Variants in PDE4D observed in about 807,000 individuals in gnomAD.
The protein encoded by PDE4D is 3',5'-cyclic-AMP phosphodiesterase 4D.
Under a neutral mutation model 87.4 loss-of-function variants are expected in PDE4D, and 24 were observed. The ratio of observed to expected loss-of-function variants is 0.27; its 90% confidence interval spans 0.20 to 0.39. The LOEUF (loss-of-function observed/expected upper bound fraction) is 0.39, where lower values mean the gene tolerates loss of function less well. PDE4D is among the 10% of genes least tolerant of loss of function. The pLI is 1.00. For missense variants in PDE4D, 714 were observed against 1,041.0 expected (o/e 0.69, Z 4.32); for synonymous variants, 384 against 383.2 (o/e 1.00, Z -0.02).
At chr5:59,043,390 G>C (rs1404036634) in intron 5 of PDE4D, among the ~76,000 whole-genome samples, 1 of 152,072 alleles carries the variant, frequency 6.6e-6, no homozygotes, top group Non-Finnish European at 1.5e-5. Context: ...GTGCATGGTG[G>C]CGGGCGCCTG....
At chr5:60,293,762 G>C (rs565013697) in intron 1 of PDE4D, among the ~76,000 whole-genome samples, 1 of 152,088 alleles carries the variant, frequency 6.6e-6, no homozygotes, top group East Asian at 1.9e-4. Flanking sequence ...TTTGTTGCAG[G>C]TATCAGTAGT....
intron 1 of PDE4D, among the ~76,000 whole-genome samples, chr5:59,605,344 T>G (rs1331253359): frequency 1.4e-5 from 2 of 139,644 alleles, no homozygotes; most frequent in African/African-American, 2.9e-5. Context: ...TATAAGTATT[T>G]CTTATTTGTA....
intron 2 of PDE4D, among the ~76,000 whole-genome samples, chr5:60,050,797 C>T (rs186055075): frequency 8.5e-5 from 13 of 152,218 alleles, no homozygotes; most frequent in Admixed American, 2.6e-4. Flanking sequence ...ACCAATCTCA[C>T]GTGCAACAAC....
At chr5:60,266,119 A>G (rs952685227) in intron 1 of PDE4D, among the ~76,000 whole-genome samples, 21 of 152,092 alleles carry the variant, frequency 1.4e-4, no homozygotes, top group African/African-American at 5.1e-4. Context: ...GACATTTACA[A>G]GGGCTGGGTC....
intron 2 of PDE4D, among the ~76,000 whole-genome samples, chr5:60,069,594 C>T (rs13179619): frequency 0.5 from 75,700 of 151,600 alleles, 19,368 homozygotes; most frequent in East Asian, 0.83. Context: ...TGTGGTTTTG[C>T]AACATATCTA....
At chr5:59,571,347 T>C (rs1245869057) in intron 1 of PDE4D, among the ~76,000 whole-genome samples, 1 of 152,186 alleles carries the variant, frequency 6.6e-6, no homozygotes, top group Non-Finnish European at 1.5e-5. Flanking sequence ...ATTTCCCTTT[T>C]TTTCTTGAAT....
intron 1 of PDE4D, among the ~76,000 whole-genome samples, chr5:59,870,653 T>A (rs1182693570): frequency 6.6e-6 from 1 of 152,204 alleles, no homozygotes; most frequent in Non-Finnish European, 1.5e-5. Context: ...GCTGGTGGCA[T>A]CAAACATGTG....
At chr5:58,983,202 T>C (rs1450043051) in intron 11 of PDE4D, among the ~76,000 whole-genome samples, 3 of 152,228 alleles carry the variant, frequency 2.0e-5, no homozygotes, top group Non-Finnish European at 4.4e-5. Context: ...CTTCCGGTGG[T>C]ACCTGCGTAT....
intron 1 of PDE4D, among the ~76,000 whole-genome samples, chr5:59,648,773 G>T (rs1742896167): frequency 6.6e-6 from 1 of 151,360 alleles, no homozygotes; most frequent in Admixed American, 6.6e-5. Context: ...GTATTCTCTT[G>T]CATTATCAAG....
chr5:60,290,611 C>T (rs1017920614), intron 1 of PDE4D, among the ~76,000 whole-genome samples: 6 of 152,076 alleles, frequency 3.9e-5, no homozygotes, highest in Non-Finnish European at 5.9e-5. Flanking sequence ...TGAGACCAGC[C>T]TGGGCAACAT....
chr5:59,406,409 C>T (rs1222601411), intron 1 of PDE4D, among the ~76,000 whole-genome samples: 1 of 98,468 alleles, frequency 1.0e-5, no homozygotes. Flanking sequence ...CCCCCCCCCC[C>T]CCATAGAGTC....
chr5:59,669,785 C>A (rs561408396), intron 1 of PDE4D, among the ~76,000 whole-genome samples: 6 of 152,224 alleles, frequency 3.9e-5, no homozygotes, highest in East Asian at 1.9e-4. Flanking sequence ...ACACCCCCCC[C>A]AATAGTCCAG....
At chr5:59,136,810 C>T (rs1188145415) in intron 5 of PDE4D, among the ~76,000 whole-genome samples, 2 of 152,164 alleles carry the variant, frequency 1.3e-5, no homozygotes, top group Non-Finnish European at 2.9e-5. Context: ...TGTGCTGGTC[C>T]AAGCTCTTTG....
intron 1 of PDE4D, among the ~76,000 whole-genome samples, chr5:60,420,900 C>T (rs187105063): frequency 9.8e-5 from 15 of 152,384 alleles, no homozygotes; most frequent in African/African-American, 3.1e-4. Flanking sequence ...CCTGGCTTAG[C>T]AGGTCCCACA....
rs1205199951 is a variant in PDE4D at position 59,053,638 on chromosome 5, G to GTTTTTTTTTTT, written c.809-14668_809-14667insAAAAAAAAAAA. The stretch of plus-strand genomic sequence containing the variant: ...TAAGTTTTATGAATTAAGTTGTTTT[G>GTTTTTTTTTTT]TTTTTTGTTTTTTTTTGTTGTTGTT... On this transcript the variant is annotated intron_variant, in intron 5 of 14. Coordinates refer to ENST00000340635, the MANE Select transcript of PDE4D (RefSeq NM_001104631.2). 1.8e-4 allele frequency among the ~76,000 whole-genome samples: 15 copies of GTTTTTTTTTTT among 84,666 alleles called. 1 individual carries two copies. Among genetic ancestry groups the GTTTTTTTTTTT allele is most frequent in the African/African-American group, 6.6e-4 (13 of 19,732 alleles). The allele number at this position is 84,666 out of a possible 152,430, so 55.5% of individuals were successfully genotyped here. A position where few individuals can be genotyped will look rare whatever the true frequency, so the allele number is the denominator to read the frequency against.
rs531711838 is a variant in PDE4D at position 60,358,241 on chromosome 5, G to A, written c.-90+129701C>T. ...CAGTAAGGGAGTAGCCCTTCTGCCT[G>A]CAGAGAAGACGGATTATATAGAGAT... On this transcript the variant is annotated intron_variant, in intron 1 of 16. Transcript: ENST00000502484. 9.8e-5 allele frequency among the ~76,000 whole-genome samples: 15 copies of A among 152,330 alleles called. No homozygotes were observed. In the East Asian group the frequency reaches 2.3e-3, roughly 24 times the overall value.
At chr5:60,386,263 AT>A (rs1464965424) in intron 1 of PDE4D, among the ~76,000 whole-genome samples, 2 of 152,012 alleles carry the variant, frequency 1.3e-5, no homozygotes, top group East Asian at 1.9e-4. Flanking sequence ...CTATAAATCA[AT>A]TTTTTTCACT....
At chr5:59,362,837 C>A (rs574320745) in intron 1 of PDE4D, among the ~76,000 whole-genome samples, 1 of 152,286 alleles carries the variant, frequency 6.6e-6, no homozygotes, top group East Asian at 1.9e-4. Context: ...AAAAAAGACC[C>A]CCAATACCAA....
At chr5:59,342,028 A>C (rs1778819770) in intron 1 of PDE4D, among the ~76,000 whole-genome samples, 2 of 152,164 alleles carry the variant, frequency 1.3e-5, no homozygotes, top group Non-Finnish European at 2.9e-5. Flanking sequence ...AATGTCATAC[A>C]AGCTGCAAGT....
Sources: gnomAD v4.1 joint callset for allele counts (sites outside exome capture counted in the v4.1 genomes callset) on GRCh38, gnomAD v4.1.1 for gene constraint, MANE v1.5 for transcripts, NCBI Gene and HGNC (gene_info 2026-07-23, HGNC 2026-07-21) for gene names.